Variants in FAF1 observed in about 807,000 individuals in gnomAD.
FAF1 encodes Fas associated factor 1.
In FAF1, 25 loss-of-function variants were observed where a neutral mutation model predicts 92.5. The observed-to-expected ratio is 0.27, with a 90% CI of 0.20 to 0.38. The LOEUF (loss-of-function observed/expected upper bound fraction) is 0.38, where lower values mean the gene tolerates loss of function less well. Ranked by LOEUF, FAF1 falls within the 10% of genes least tolerant of loss-of-function variation. FAF1 has a pLI of 1.00. For synonymous variants in FAF1, 234 were observed against 273.2 expected, an observed-to-expected ratio of 0.86 and a Z score of 1.42; for missense variants, 636 against 793.3, an observed-to-expected ratio of 0.80 and a Z score of 2.38.
At chr1:50,478,659 A>C (rs751953740) in intron 17 of FAF1, among the ~76,000 whole-genome samples, 3 of 152,246 alleles carry the variant, frequency 2.0e-5, no homozygotes, top group Non-Finnish European at 4.4e-5. Context: ...TGTTAAATGT[A>C]CAATTCAGTA....
rs781130499 is a variant in FAF1 at position 50,959,854 on chromosome 1, C to T, written c.-43G>A. On this transcript the variant is annotated 5_prime_UTR_variant, in exon 1 of 19. Transcript: ENST00000396153. ...GCGGCTCCGGGAGCGAAGCGCGCAC[C>T]TGGGAGGCAGACGGCACCTCCTGCG... is the stretch of plus-strand genomic sequence containing the variant. The T allele has an allele frequency of 4.0e-6, 6 of 1,486,864 alleles. No individual in the cohort carries two copies. The highest frequency in any genetic ancestry group is 5.4e-6 in the Non-Finnish European group (6 of 1,104,712). 92.1% of individuals were successfully genotyped at this position (1,486,864 alleles called of 1,614,324 possible). A position where few individuals can be genotyped will look rare whatever the true frequency, so the allele number is the denominator to read the frequency against.
intron 15 of FAF1, among the ~76,000 whole-genome samples, chr1:50,511,865 T>A (rs1338004712): frequency 1.3e-5 from 2 of 152,222 alleles, no homozygotes; most frequent in African/African-American, 4.8e-5. Flanking sequence ...CCACCAACAG[T>A]GTAAAAGTGT....
At chr1:50,647,021 G>A (rs1315415937) in intron 8 of FAF1, among the ~76,000 whole-genome samples, 2 of 151,964 alleles carry the variant, frequency 1.3e-5, no homozygotes, top group African/African-American at 4.8e-5. Context: ...AATTTTTTTT[G>A]TATTTTTAGT....
At chr1:50,537,057 A>G (rs538047371) in intron 14 of FAF1, among the ~76,000 whole-genome samples, 1 of 152,234 alleles carries the variant, frequency 6.6e-6, no homozygotes, top group East Asian at 1.9e-4. Flanking sequence ...CCTTCCAAGT[A>G]GCTGGGATTA....
At chr1:50,865,560 T>A (rs1260346533) in intron 1 of FAF1, among the ~76,000 whole-genome samples, 1 of 134,366 alleles carries the variant, frequency 7.4e-6, no homozygotes, top group African/African-American at 2.8e-5. Flanking sequence ...AAATTGGAAA[T>A]CATCATTCTC....
At chr1:50,675,654 G>A (rs1276962602) in intron 7 of FAF1, among the ~76,000 whole-genome samples, 1 of 152,148 alleles carries the variant, frequency 6.6e-6, no homozygotes, top group Admixed American at 6.5e-5. Flanking sequence ...AAAACATGCT[G>A]GGACCCAAAC....
chr1:50,596,831 C>T lies in FAF1; in HGVS notation c.745-615G>A, dbSNP rs556464160. On this transcript the variant is annotated intron_variant, in intron 8 of 18. Transcript: ENST00000396153. Reference sequence around the variant, plus strand: ...TTCTCCCAGAGTTTACTTGTCAAAACTGGTTAATAAAGAAGACAATGATAA... The same window carrying T: ...TTCTCCCAGAGTTTACTTGTCAAAATTGGTTAATAAAGAAGACAATGATAA... Among the ~76,000 whole-genome samples, 105 of 152,230 alleles carry T rather than the reference C, an allele frequency of 6.9e-4. 1 individual carries two copies. The highest frequency in any genetic ancestry group is 9.4e-4 in the Non-Finnish European group (64 of 67,996).
intron 7 of FAF1, among the ~76,000 whole-genome samples, chr1:50,673,163 CAGG>C (rs1253268894): frequency 6.6e-6 from 1 of 151,672 alleles, no homozygotes; most frequent in Non-Finnish European, 1.5e-5. Flanking sequence ...GAGGCTGAGG[CAGG>C]AGAATTGCTT....
At chr1:50,696,088 C>T (rs368993720) in intron 7 of FAF1, among the ~76,000 whole-genome samples, 3 of 151,986 alleles carry the variant, frequency 2.0e-5, no homozygotes, top group East Asian at 1.9e-4. Flanking sequence ...ATCATGGCAC[C>T]TTGATTTCTA....
intron 15 of FAF1, among the ~76,000 whole-genome samples, chr1:50,531,147 T>TAA (rs978077805): frequency 3.3e-5 from 5 of 152,228 alleles, no homozygotes; most frequent in African/African-American, 1.2e-4. Context: ...CATGTTCCAC[T>TAA]AATGTATTCT....
intron 1 of FAF1, among the ~76,000 whole-genome samples, chr1:50,888,399 C>T (rs913778340): frequency 2.0e-5 from 3 of 152,292 alleles, no homozygotes; most frequent in African/African-American, 7.2e-5. Flanking sequence ...CTGGCCAGAA[C>T]TTCCAACACT....
chr1:50,506,680 G>A (rs1647062822), intron 15 of FAF1, among the ~76,000 whole-genome samples: 1 of 152,132 alleles, frequency 6.6e-6, no homozygotes, highest in Admixed American at 6.6e-5. Flanking sequence ...TTAATGTATG[G>A]TTGATGCTTG....
chr1:50,869,253 T>G (rs1052864370), intron 1 of FAF1, among the ~76,000 whole-genome samples: 1 of 152,182 alleles, frequency 6.6e-6, no homozygotes, highest in Non-Finnish European at 1.5e-5. Flanking sequence ...GGCTTTACTT[T>G]TATAGTACAT....
At chr1:50,746,115 T>C (rs1210048022) in intron 4 of FAF1, among the ~76,000 whole-genome samples, 1 of 151,146 alleles carries the variant, frequency 6.6e-6, no homozygotes, top group African/African-American at 2.4e-5. Context: ...CTGTGGAACT[T>C]TGAAGTTGAG....
At chr1:50,701,129 A>C (rs1557482760) in intron 7 of FAF1, among the ~76,000 whole-genome samples, 1 of 152,150 alleles carries the variant, frequency 6.6e-6, no homozygotes, top group Non-Finnish European at 1.5e-5. Context: ...TGCAGAAGAA[A>C]TTATCTCTTT....
intron 1 of FAF1, among the ~76,000 whole-genome samples, chr1:50,889,408 T>C (rs1644700006): frequency 1.3e-5 from 2 of 152,336 alleles, no homozygotes; most frequent in Admixed American, 1.3e-4. Flanking sequence ...TTCTGCTAGC[T>C]TTTGAATGTG....
At chr1:50,615,883 T>A (rs769246756) in intron 8 of FAF1, among the ~76,000 whole-genome samples, 2 of 152,206 alleles carry the variant, frequency 1.3e-5, no homozygotes, top group Non-Finnish European at 2.9e-5. Flanking sequence ...CAATTTTTGT[T>A]TTTGTTGCAA....
intron 8 of FAF1, among the ~76,000 whole-genome samples, chr1:50,610,029 C>T (rs965631504): frequency 1.3e-5 from 2 of 151,966 alleles, no homozygotes; most frequent in African/African-American, 4.8e-5. Context: ...AATTAGTTTG[C>T]TAAATAAATT....
At chr1:50,489,399 T>A (rs2149007515) in intron 17 of FAF1, among the ~76,000 whole-genome samples, 1 of 152,350 alleles carries the variant, frequency 6.6e-6, no homozygotes, top group East Asian at 1.9e-4. Flanking sequence ...CCTCTTTTTA[T>A]AAGTGAATCT....
Sources: gnomAD v4.1 joint callset for allele counts (sites outside exome capture counted in the v4.1 genomes callset) on GRCh38, gnomAD v4.1.1 for gene constraint, MANE v1.5 for transcripts, NCBI Gene and HGNC (gene_info 2026-07-23, HGNC 2026-07-21) for gene names.